CSPP1: variants seen among roughly 807,000 people sequenced by gnomAD.
The protein encoded by CSPP1 is centrosome and spindle pole-associated protein 1.
In CSPP1, 126 loss-of-function variants were observed where a neutral mutation model predicts 164.4. The ratio of observed to expected loss-of-function variants is 0.77; its 90% CI spans 0.66 to 0.89. The LOEUF (loss-of-function observed/expected upper bound fraction) is 0.89, where lower values mean the gene tolerates loss of function less well. CSPP1 is among the 40% of genes least tolerant of loss of function. The pLI, the probability that CSPP1 is intolerant of heterozygous loss-of-function variation, is 0.00. For synonymous variants in CSPP1, 472 were observed against 476.7 expected (o/e 0.99, Z 0.13); for missense variants, 1,395 against 1,449.8 (o/e 0.96, Z 0.61).
At chr8:67,161,491 T>TTTTTAAATCAACAACATGGTACATGGTTG in intron 21 of CSPP1, among the ~76,000 whole-genome samples, 2 of 152,336 alleles carry the variant, frequency 1.3e-5, no homozygotes, top group South Asian at 4.1e-4. Context: ...ACCTTTTTAT[T>TTTTTAAATCAACAACATGGTACATGGTTG]ATTAAAGATG....
chr8:67,106,282 A>C (rs1027421801), intron 9 of CSPP1, among the ~76,000 whole-genome samples: 2 of 151,986 alleles, frequency 1.3e-5, no homozygotes, highest in Admixed American at 1.3e-4. Context: ...TGAAATTATT[A>C]GTTTCAGTAA....
At chr8:67,110,098 A>G (rs1398121357) in intron 9 of CSPP1, among the ~76,000 whole-genome samples, 1 of 151,364 alleles carries the variant, frequency 6.6e-6, no homozygotes, top group Admixed American at 6.6e-5. Context: ...CTGGGAGTTC[A>G]CTAATTAGAC....
chr8:67,089,036 G>A (rs888234846), intron 4 of CSPP1, among the ~76,000 whole-genome samples: 4 of 152,082 alleles, frequency 2.6e-5, no homozygotes, highest in African/African-American at 9.7e-5. Flanking sequence ...ACTATAGGGA[G>A]CTGGCTGCAG....
Position 67,095,614 on chromosome 8 carries a change from T to G in CSPP1, c.805T>G (p.Phe269Val). 6.2e-7 allele frequency: 1 copy of G among 1,613,910 alleles called. No homozygotes were observed. Among genetic ancestry groups the G allele is most frequent in the East Asian group, 2.2e-5 (1 of 44,872 alleles). Residue 269 changes from phenylalanine to valine, a missense_variant, in exon 7 of 31, where the codon TTT becomes GTT. Coordinates refer to ENST00000678616, the MANE Select transcript of CSPP1 (RefSeq NM_001382391.1). ...TCACAGATTTAATGAGGATCGTGTT[T>G]TTGATAGACGGTATCATAGACCAGA... is the stretch of plus-strand genomic sequence containing the variant. Reference protein sequence around the residue: ...RFHRFNEDRVFDRRYHRPDQD... With the variant: ...RFHRFNEDRVVDRRYHRPDQD...
At chr8:67,189,519 TAA>T (rs1055153847) in intron 28 of CSPP1, among the ~76,000 whole-genome samples, 10 of 152,234 alleles carry the variant, frequency 6.6e-5, no homozygotes, top group African/African-American at 1.4e-4. Context: ...TCTTATTCAA[TAA>T]AAGTTATTCC....
intron 24 of CSPP1, among the ~76,000 whole-genome samples, chr8:67,166,660 G>A (rs955080640): frequency 6.6e-6 from 1 of 151,326 alleles, no homozygotes; most frequent in South Asian, 2.1e-4. Flanking sequence ...TACTTTTACA[G>A]TGTTATAAAT....
At chr8:67,177,610 T>A in intron 26 of CSPP1, 70 bp from the exon 27 acceptor site, 1 of 955,544 alleles carries the variant, frequency 1.0e-6, no homozygotes, top group South Asian at 1.5e-5. Flanking sequence ...AAAAAGATAT[T>A]CTAAAATTTA....
rs1172369424 is a variant in CSPP1 at position 67,159,509 on chromosome 8, C to CTTT, written c.2538+399_2538+401dup. The stretch of plus-strand genomic sequence containing the variant: ...GTTTATATATATATATATATGTATT[C>CTTT]TTTTTTTTTTTTTTTTTTTTTTTTT... On this transcript the variant is annotated intron_variant, in intron 21 of 30. Transcript: ENST00000678616. Among the ~76,000 whole-genome samples the CTTT allele has an allele frequency of 2.3e-3, 111 of 48,914 alleles. 23 individuals are homozygous for CTTT. The highest frequency in any genetic ancestry group is 3.1e-3 in the South Asian group (4 of 1,306). The allele number at this position is 48,914 out of a possible 152,430, so 32.1% of individuals were successfully genotyped here.
intron 28 of CSPP1, among the ~76,000 whole-genome samples, chr8:67,182,703 T>C (rs899230835): frequency 6.6e-6 from 1 of 152,246 alleles, no homozygotes; most frequent in African/African-American, 2.4e-5. Flanking sequence ...CATCTCATTG[T>C]GGTTTTGACT....
chr8:67,119,164 A>G (rs1818509874), intron 15 of CSPP1, among the ~76,000 whole-genome samples: 1 of 152,134 alleles, frequency 6.6e-6, no homozygotes, highest in Non-Finnish European at 1.5e-5. Flanking sequence ...CACTTTGCAT[A>G]ATGTCCTCAA....
chr8:67,074,747 C>T, intron 2 of CSPP1: 1 of 277,640 alleles, frequency 3.6e-6, no homozygotes, highest in Non-Finnish European at 6.8e-6. Flanking sequence ...TTATTTTGTA[C>T]TATTTGTGTT....
chr8:67,101,604 C>T (rs557890763), intron 7 of CSPP1, among the ~76,000 whole-genome samples: 1 of 152,052 alleles, frequency 6.6e-6, no homozygotes, highest in East Asian at 1.9e-4. Context: ...GATCTGTGAT[C>T]GATTAAAAAA....
intron 16 of CSPP1, chr8:67,133,918 A>G (rs1821740528): frequency 6.6e-6 from 1 of 151,846 alleles, no homozygotes; most frequent in Non-Finnish European, 1.5e-5. Flanking sequence ...ATAAGAAGCA[A>G]CTCCTCATCC....
intron 15 of CSPP1, among the ~76,000 whole-genome samples, chr8:67,129,895 T>C (rs542596774): frequency 6.0e-4 from 91 of 152,312 alleles, no homozygotes; most frequent in Non-Finnish European, 1.1e-3. Flanking sequence ...TTTTGGGTTA[T>C]AAAAATGTTC....
intron 15 of CSPP1, 73 bp downstream of exon 15, chr8:67,118,894 C>A: frequency 1.0e-6 from 1 of 976,156 alleles, no homozygotes; most frequent in Non-Finnish European, 1.6e-6. Context: ...CTAAAAGCCA[C>A]CATCCTAACA....
At chr8:67,089,550 A>G (rs1811182812) in intron 4 of CSPP1, among the ~76,000 whole-genome samples, 1 of 152,162 alleles carries the variant, frequency 6.6e-6, no homozygotes, top group African/African-American at 2.4e-5. Flanking sequence ...TTGTCACAGT[A>G]ATTATTACCT....
chr8:67,181,643 A>G (rs1411717201), intron 28 of CSPP1, among the ~76,000 whole-genome samples: 2 of 152,188 alleles, frequency 1.3e-5, no homozygotes, highest in African/African-American at 4.8e-5. Flanking sequence ...GTTTCAGTGC[A>G]TTATTTTAAA....
chr8:67,190,514 A>G, intron 28 of CSPP1, 136 bp from the exon 29 acceptor site: 1 of 641,034 alleles, frequency 1.6e-6, no homozygotes, highest in Non-Finnish European at 2.8e-6. Context: ...AAATCACCGA[A>G]CTGTGTATGT....
chr8:67,183,221 CCTCT>C (rs896528347), intron 28 of CSPP1, among the ~76,000 whole-genome samples: 8 of 152,180 alleles, frequency 5.3e-5, no homozygotes, highest in African/African-American at 1.2e-4. Context: ...ATTTTTAACA[CCTCT>C]CTATCAGAAA....
Sources: allele counts gnomAD v4.1 joint callset (sites outside exome capture counted in the v4.1 genomes callset), GRCh38; gene constraint gnomAD v4.1.1; transcripts MANE v1.5; gene names NCBI Gene and HGNC (gene_info 2026-07-23, HGNC 2026-07-21).